Variants in NALCN observed in about 807,000 individuals in gnomAD.
The protein encoded by NALCN is sodium leak channel, non-selective.
NALCN carries 111 observed loss-of-function variants against 225.3 expected under a neutral mutation model. The observed-to-expected ratio is 0.49, with a 90% confidence interval of 0.42 to 0.58. The LOEUF is 0.58. Ranked by LOEUF, NALCN falls within the 20% of genes least tolerant of loss-of-function variation. The pLI is 0.00. For synonymous variants in NALCN, 764 were observed against 769.0 expected (o/e 0.99, Z 0.11); for missense variants, 1,378 against 2,202.4 (o/e 0.63, Z 7.49).
chr13:101,187,748 G>C (rs1203507271), intron 14 of NALCN, among the ~76,000 whole-genome samples: 1 of 152,168 alleles, frequency 6.6e-6, no homozygotes, highest in Non-Finnish European at 1.5e-5. Flanking sequence ...GAGAGTGTAA[G>C]AACACAGGAA....
At chr13:101,351,533 G>A (rs765052167) in intron 6 of NALCN, among the ~76,000 whole-genome samples, 4 of 152,122 alleles carry the variant, frequency 2.6e-5, no homozygotes, top group Non-Finnish European at 4.4e-5. Context: ...GTGGTTTTAA[G>A]TTATTCACCA....
At chr13:101,168,792 C>T (rs933209558) in intron 15 of NALCN, among the ~76,000 whole-genome samples, 4 of 152,152 alleles carry the variant, frequency 2.6e-5, no homozygotes, top group African/African-American at 9.7e-5. Flanking sequence ...GCTGGTATCT[C>T]CTTATTTTTC....
At chr13:101,135,991 C>T (rs964625486) in intron 17 of NALCN, among the ~76,000 whole-genome samples, 4 of 152,088 alleles carry the variant, frequency 2.6e-5, no homozygotes, top group East Asian at 1.9e-4. Context: ...ACTCTCAATG[C>T]GCATTTACTA....
chr13:101,107,976 A>G (rs1194295067), intron 20 of NALCN, among the ~76,000 whole-genome samples, 187 bp from the exon 21 acceptor site: 1 of 148,680 alleles, frequency 6.7e-6, no homozygotes, highest in East Asian at 1.9e-4. Flanking sequence ...GTATATTTAT[A>G]CTAAATGTAT....
chr13:101,347,140 TAC>T lies in NALCN; in HGVS notation c.645-1722_645-1721del, dbSNP rs56838607. 3.0e-3 allele frequency among the ~76,000 whole-genome samples: 453 copies of T among 149,370 alleles called. 3 individuals carry two copies. The East Asian group carries it at 0.034, about 11-fold the overall frequency. On this transcript the variant is annotated intron_variant, in intron 6 of 43. Coordinates refer to ENST00000251127, the MANE Select transcript of NALCN (RefSeq NM_052867.4). ...ACGCATACACACACGTACATAGTTT[TAC>T]ACACACACACACACACACACACACC...
At chr13:101,217,781 C>T (rs1231104736) in intron 13 of NALCN, among the ~76,000 whole-genome samples, 1 of 152,200 alleles carries the variant, frequency 6.6e-6, no homozygotes, top group Non-Finnish European at 1.5e-5. Context: ...AACTGATCTA[C>T]TCTGTGTCCA....
rs370974894 is a variant in NALCN at position 101,091,874 on chromosome 13, C to G, written c.3270-1908G>C. On this transcript the variant is annotated intron_variant, in intron 28 of 43. Coordinates refer to ENST00000251127, the MANE Select transcript of NALCN (RefSeq NM_052867.4). Reference sequence around the variant, plus strand: ...GAAGTTAGAATATGTGAAAAATATTCTAACTAAACCAAGTAAAACAAAATG... The same window carrying G: ...GAAGTTAGAATATGTGAAAAATATTGTAACTAAACCAAGTAAAACAAAATG... Among the ~76,000 whole-genome samples the G allele has an allele frequency of 4.1e-4, 63 of 152,198 alleles. 2 individuals are homozygous for G. Among genetic ancestry groups the G allele is most frequent in the African/African-American group, 1.5e-3 (61 of 41,556 alleles).
intron 13 of NALCN, among the ~76,000 whole-genome samples, chr13:101,194,689 G>C (rs979218101): frequency 2.6e-5 from 4 of 152,156 alleles, no homozygotes; most frequent in African/African-American, 9.7e-5. Flanking sequence ...AGAAAAAGAT[G>C]AACAGGATCA....
intron 1 of NALCN, among the ~76,000 whole-genome samples, chr13:101,405,532 A>C (rs56666577): frequency 0.022 from 3,397 of 152,036 alleles, 113 homozygotes; most frequent in East Asian, 0.11. Flanking sequence ...TCTTGAGTGT[A>C]TGAACTTCCC....
chr13:101,414,173 C>A (rs1028550115), intron 1 of NALCN, among the ~76,000 whole-genome samples: 7 of 152,062 alleles, frequency 4.6e-5, no homozygotes, highest in Non-Finnish European at 1.0e-4. Context: ...GCATGAGCCA[C>A]CGTGTGTGGC....
At chr13:101,276,860 G>A (rs2138967983) in intron 10 of NALCN, among the ~76,000 whole-genome samples, 1 of 152,186 alleles carries the variant, frequency 6.6e-6, no homozygotes, top group Non-Finnish European at 1.5e-5. Context: ...GTGCACATGT[G>A]GGAATGTAGG....
chr13:101,169,206 T>C (rs902787492), intron 15 of NALCN, among the ~76,000 whole-genome samples: 14 of 152,172 alleles, frequency 9.2e-5, no homozygotes, highest in Non-Finnish European at 1.9e-4. Context: ...ATCTATAGCA[T>C]AGTAGATGAG....
At chr13:101,078,553 C>T (rs142348314) in intron 34 of NALCN, among the ~76,000 whole-genome samples, 4,228 of 152,218 alleles carry the variant, frequency 0.028, 201 homozygotes, top group African/African-American at 0.095. Flanking sequence ...TGCCTATAGC[C>T]CCTTTGTTTT....
chr13:101,127,104 T>A (rs2036271215), intron 17 of NALCN, among the ~76,000 whole-genome samples: 1 of 152,228 alleles, frequency 6.6e-6, no homozygotes, highest in Non-Finnish European at 1.5e-5. Context: ...ACTTATCTAC[T>A]GCCCCTGCAA....
chr13:101,264,575 A>G (rs2042537044), intron 10 of NALCN, among the ~76,000 whole-genome samples: 2 of 152,166 alleles, frequency 1.3e-5, no homozygotes, highest in Non-Finnish European at 2.9e-5. Flanking sequence ...CTGAATCAGA[A>G]TCTGTATCTT....
intron 6 of NALCN, among the ~76,000 whole-genome samples, chr13:101,370,058 T>C (rs898353490): frequency 6.6e-6 from 1 of 152,240 alleles, no homozygotes; most frequent in African/African-American, 2.4e-5. Flanking sequence ...TCTGTCTAAA[T>C]AGAATATGTT....
chr13:101,136,706 G>A (rs1291556101), intron 17 of NALCN, among the ~76,000 whole-genome samples: 1 of 151,410 alleles, frequency 6.6e-6, no homozygotes, highest in African/African-American at 2.4e-5. Context: ...GTCTATCATT[G>A]ATGGACATTT....
chr13:101,227,193 C>G (rs1169358501), intron 13 of NALCN, among the ~76,000 whole-genome samples: 1 of 152,172 alleles, frequency 6.6e-6, no homozygotes, highest in Non-Finnish European at 1.5e-5. Context: ...TAAGGCCAAT[C>G]TTTGTCCTCT....
At chr13:101,363,983 T>G in intron 6 of NALCN, among the ~76,000 whole-genome samples, 1 of 152,052 alleles carries the variant, frequency 6.6e-6, no homozygotes, top group East Asian at 1.9e-4. Context: ...ATAAAAATGG[T>G]TAACATCACT....
Sources: allele counts gnomAD v4.1 joint callset (sites outside exome capture counted in the v4.1 genomes callset), GRCh38; gene constraint gnomAD v4.1.1; transcripts MANE v1.5; gene names NCBI Gene and HGNC (gene_info 2026-07-23, HGNC 2026-07-21).